The following AKAP6 variants were observed in gnomAD, a reference collection of about 807,000 sequenced individuals.
The protein encoded by AKAP6 is A-kinase anchoring protein 6, also known as A-kinase anchor protein 6.
In AKAP6, 58 loss-of-function variants were observed where a neutral mutation model predicts 188.5. The observed-to-expected ratio is 0.31, with a 90% CI of 0.25 to 0.38. AKAP6 has a LOEUF of 0.38. Among genes scored for constraint, AKAP6 ranks in the 10% least tolerant of loss-of-function variants. The pLI, the probability that AKAP6 is intolerant of heterozygous loss-of-function variation, is 1.00. For missense variants in AKAP6, 2,710 were observed against 2,740.0 expected (o/e 0.99, Z 0.24); for synonymous variants, 989 against 998.6 (o/e 0.99, Z 0.18).
chr14:32,532,444 A>C (rs907924022), intron 2 of AKAP6, among the ~76,000 whole-genome samples: 1 of 152,038 alleles, frequency 6.6e-6, no homozygotes, highest in African/African-American at 2.4e-5. Flanking sequence ...TGCCCTTTAT[A>C]TATTGTTTTC....
intron 1 of AKAP6, among the ~76,000 whole-genome samples, chr14:32,419,918 A>C (rs79710460): frequency 0.063 from 9,576 of 152,214 alleles, 377 homozygotes; most frequent in African/African-American, 0.09. Flanking sequence ...AAGAAAAAAA[A>C]CAAAAAATAA....
intron 11 of AKAP6, among the ~76,000 whole-genome samples, chr14:32,752,337 G>T (rs534033893): frequency 1.4e-4 from 21 of 152,190 alleles, no homozygotes; most frequent in Admixed American, 2.6e-4. Context: ...GCAGGAGGGT[G>T]GTCTTGCAGA....
At chr14:32,542,197 A>T (rs1882985152) in intron 3 of AKAP6, among the ~76,000 whole-genome samples, 1 of 152,240 alleles carries the variant, frequency 6.6e-6, no homozygotes, top group African/African-American at 2.4e-5. Context: ...ATAGCTAATT[A>T]GTGCTACAGC....
chr14:32,492,355 T>TAGAGAGAGAGAGAGAGAGAGAG (rs1555333490), intron 2 of AKAP6, among the ~76,000 whole-genome samples: 2 of 82,586 alleles, frequency 2.4e-5, no homozygotes, highest in Admixed American at 1.9e-4. Context: ...TATATATATA[T>TAGAGAGAGAGAGAGAGAGAGAG]AGAGAGAGAG....
chr14:32,819,066 A>T (rs1311656088), intron 12 of AKAP6, among the ~76,000 whole-genome samples: 1 of 152,218 alleles, frequency 6.6e-6, no homozygotes, highest in Non-Finnish European at 1.5e-5. Flanking sequence ...CAAGCAAAGA[A>T]TAAACAGAAA....
At chr14:32,677,328 G>A (rs566833754) in intron 7 of AKAP6, among the ~76,000 whole-genome samples, 5 of 152,190 alleles carry the variant, frequency 3.3e-5, no homozygotes, top group Non-Finnish European at 7.3e-5. Context: ...ACGTGTTATG[G>A]AATTCTGGCG....
intron 9 of AKAP6, among the ~76,000 whole-genome samples, chr14:32,699,839 A>T (rs573849223): frequency 1.3e-5 from 2 of 152,304 alleles, no homozygotes; most frequent in Admixed American, 1.3e-4. Flanking sequence ...CCTAAGTAGG[A>T]CAATTTAATT....
At chr14:32,620,410 CT>C (rs1338766674) in intron 7 of AKAP6, among the ~76,000 whole-genome samples, 1 of 152,052 alleles carries the variant, frequency 6.6e-6, no homozygotes, top group Admixed American at 6.5e-5. Context: ...TTTTCTGCAT[CT>C]ACTGAGATGA....
chr14:32,417,657 G>A (rs554522434), intron 1 of AKAP6, among the ~76,000 whole-genome samples: 14 of 152,138 alleles, frequency 9.2e-5, no homozygotes, highest in Non-Finnish European at 1.9e-4. Flanking sequence ...TGTAAAAACT[G>A]TCAGGCCGAT....
chr14:32,694,203 T>A (rs373639888), intron 8 of AKAP6, among the ~76,000 whole-genome samples: 4 of 151,872 alleles, frequency 2.6e-5, no homozygotes, highest in African/African-American at 9.7e-5. Context: ...CCACCAAAAA[T>A]ACAAAAAATT....
At chr14:32,615,256 A>G (rs974681281) in intron 7 of AKAP6, among the ~76,000 whole-genome samples, 1 of 151,424 alleles carries the variant, frequency 6.6e-6, no homozygotes, top group African/African-American at 2.4e-5. Flanking sequence ...CTGAGGTGCT[A>G]TAGCCATTTT....
chr14:32,724,159 C>T (rs1291356637), intron 9 of AKAP6, among the ~76,000 whole-genome samples: 1 of 152,060 alleles, frequency 6.6e-6, no homozygotes, highest in African/African-American at 2.4e-5. Context: ...AACTAAAATG[C>T]ATATTATACT....
intron 1 of AKAP6, among the ~76,000 whole-genome samples, chr14:32,363,041 T>G (rs1887715057): frequency 6.6e-6 from 1 of 152,204 alleles, no homozygotes; most frequent in African/African-American, 2.4e-5. Context: ...CTTTTGCTCT[T>G]CTGGGCACTG....
intron 1 of AKAP6, among the ~76,000 whole-genome samples, chr14:32,415,983 G>T (rs2138663256): frequency 6.6e-6 from 1 of 152,182 alleles, no homozygotes; most frequent in South Asian, 2.1e-4. Flanking sequence ...TTTAGCTATT[G>T]TGAATAATGC....
Position 32,614,267 on chromosome 14 carries a change from A to G in AKAP6, c.2730+13475A>G, listed in dbSNP as rs1886465822. On this transcript the variant is annotated intron_variant, in intron 7 of 13. Coordinates refer to ENST00000280979, the MANE Select transcript of AKAP6 (RefSeq NM_004274.5). ...CAAATAGCATCTTTTATCATTATCT[A>G]CAGATACTTTTTGTCTCAGTTGTAC... Among the ~76,000 whole-genome samples the G allele has an allele frequency of 2.0e-5, 3 of 152,158 alleles. No individual in the cohort carries two copies. The South Asian group carries it at 6.2e-4, about 31-fold the overall frequency.
chr14:32,589,658 A>G (rs1205097131), intron 5 of AKAP6, among the ~76,000 whole-genome samples: 2 of 152,216 alleles, frequency 1.3e-5, no homozygotes, highest in African/African-American at 2.4e-5. Context: ...CTTGGGCCAT[A>G]ATACCCAGTA....
At chr14:32,731,749 C>T (rs1441697867) in intron 9 of AKAP6, among the ~76,000 whole-genome samples, 2 of 152,052 alleles carry the variant, frequency 1.3e-5, no homozygotes, top group Non-Finnish European at 2.9e-5. Context: ...ACCATAGTAA[C>T]TGTCACATTA....
intron 2 of AKAP6, among the ~76,000 whole-genome samples, chr14:32,468,944 C>G (rs1293305374): frequency 6.6e-6 from 1 of 151,994 alleles, no homozygotes; most frequent in African/African-American, 2.4e-5. Context: ...AGGTTTAGTC[C>G]AAATTAATCT....
At chr14:32,532,992 T>C (rs555223825) in intron 2 of AKAP6, among the ~76,000 whole-genome samples, 1 of 152,216 alleles carries the variant, frequency 6.6e-6, no homozygotes, top group East Asian at 1.9e-4. Flanking sequence ...GTTGGTGGCA[T>C]AGGGGAATTT....
Sources: gnomAD v4.1 joint callset for allele counts (sites outside exome capture counted in the v4.1 genomes callset) on GRCh38, gnomAD v4.1.1 for gene constraint, MANE v1.5 for transcripts, NCBI Gene and HGNC (gene_info 2026-07-23, HGNC 2026-07-21) for gene names.